DNAH9: variants seen among roughly 807,000 people sequenced by gnomAD.
The protein encoded by DNAH9 is dynein axonemal heavy chain 9.
In DNAH9, 345 loss-of-function variants were observed where a neutral mutation model predicts 471.6. The observed-to-expected ratio is 0.73, with a 90% CI of 0.67 to 0.80. DNAH9 has a LOEUF of 0.80. Among genes scored for constraint, DNAH9 ranks in the 30% least tolerant of loss-of-function variants. The pLI is 0.00. For synonymous variants in DNAH9, 2,093 were observed against 2,123.6 expected, an observed-to-expected ratio of 0.99 and a Z score of 0.40; for missense variants, 5,407 against 5,609.2, an observed-to-expected ratio of 0.96 and a Z score of 1.15.
At chr17:11,814,917 A>G (rs964879653) in intron 45 of DNAH9, among the ~76,000 whole-genome samples, 7 of 151,978 alleles carry the variant, frequency 4.6e-5, no homozygotes, top group Admixed American at 3.3e-4. Context: ...GGAGCCATCT[A>G]TGCTGTTAAA....
At chr17:11,609,749 A>T (rs2072590206) in intron 2 of DNAH9, among the ~76,000 whole-genome samples, 2 of 152,200 alleles carry the variant, frequency 1.3e-5, no homozygotes, top group South Asian at 4.1e-4. Context: ...TTTCTTTAAA[A>T]GTTGTATGAG....
intron 22 of DNAH9, among the ~76,000 whole-genome samples, chr17:11,694,860 C>CTTT (rs1366941130): frequency 2.3e-4 from 2 of 8,676 alleles, no homozygotes; most frequent in African/African-American, 6.2e-4. Flanking sequence ...TTCCTTCCTT[C>CTTT]CTTCCTTCCT....
At chr17:11,765,709 C>T (rs892885165) in intron 36 of DNAH9, among the ~76,000 whole-genome samples, 3 of 152,160 alleles carry the variant, frequency 2.0e-5, no homozygotes, top group Non-Finnish European at 4.4e-5. Context: ...TGGAGCTTCT[C>T]TGTGGACTAC....
chr17:11,849,014 T>G (rs549968690), intron 49 of DNAH9, among the ~76,000 whole-genome samples: 13 of 152,206 alleles, frequency 8.5e-5, no homozygotes, highest in African/African-American at 2.6e-4. Context: ...CTTTTTGTAT[T>G]TTTAGTAGAG....
chr17:11,679,694 A>T, intron 17 of DNAH9, 63 bp from the exon 18 acceptor site: 1 of 1,194,720 alleles, frequency 8.4e-7, no homozygotes, highest in South Asian at 1.2e-5. Context: ...GGGGAAATCA[A>T]TACATCTGCC....
intron 19 of DNAH9, among the ~76,000 whole-genome samples, chr17:11,685,149 C>T (rs1006870595): frequency 1.3e-5 from 2 of 152,144 alleles, no homozygotes; most frequent in African/African-American, 4.8e-5. Flanking sequence ...ACATTGGGCA[C>T]CAGCTTTAAC....
At chr17:11,814,123 T>G (rs1424465384) in intron 45 of DNAH9, among the ~76,000 whole-genome samples, 1 of 152,214 alleles carries the variant, frequency 6.6e-6, no homozygotes. Context: ...TCCTGAGGAA[T>G]GTGCACTGAT....
In DNAH9 at chr17:11,763,530, T is replaced by G; in HGVS notation, c.7086T>G (p.Pro2362=). The G allele has an allele frequency of 6.2e-7, 1 of 1,614,002 alleles. No individual in the cohort carries two copies. Among genetic ancestry groups the G allele is most frequent in the Non-Finnish European group, 8.5e-7 (1 of 1,179,846 alleles). The change falls in exon 36 of 69, where the codon CCT becomes CCG. Residue 2362 remains proline, a synonymous_variant. Coordinates refer to ENST00000262442, the MANE Select transcript of DNAH9 (RefSeq NM_001372.4). ...LECLLTTEDI[P]ADCPKEIYEH... is the part of the protein sequence containing the mutation. Reference sequence around the variant, plus strand: ...GTCTCCTGACCACGGAGGACATCCCTGCAGACTGCCCTAAGGAAATTTATG... The same window carrying G: ...GTCTCCTGACCACGGAGGACATCCCGGCAGACTGCCCTAAGGAAATTTATG...
chr17:11,962,208 G>A lies in DNAH9; in HGVS notation c.13185G>A (p.Gly4395=). The A allele has an allele frequency of 6.2e-7, 1 of 1,613,706 alleles. No individual in the cohort carries two copies. The highest frequency in any genetic ancestry group is 8.5e-7 in the Non-Finnish European group (1 of 1,179,914). ...AGTTTAGGAGTCCTCCTCGGGAAGGGGCCTACATCCATGGCCTCTTCATGG... is the reference window on the plus strand; with the variant it reads ...AGTTTAGGAGTCCTCCTCGGGAAGGAGCCTACATCCATGGCCTCTTCATGG... The part of the protein sequence containing the change: ...REEFRSPPRE[G]AYIHGLFMEG... Residue 4395 remains glycine (G), a synonymous_variant, in exon 68 of 69, where the codon GGG becomes GGA. Coordinates refer to ENST00000262442, the MANE Select transcript of DNAH9 (RefSeq NM_001372.4). The surrounding 1 kb of genome is among the most constrained non-coding windows in gnomAD (Gnocchi z 4.1).
intron 1 of DNAH9, among the ~76,000 whole-genome samples, chr17:11,604,765 G>A (rs186913743): frequency 2.0e-5 from 3 of 151,822 alleles, no homozygotes; most frequent in Non-Finnish European, 4.4e-5. Context: ...TTCAAAATTT[G>A]TATGGAATCA....
Position 11,923,901 on chromosome 17 carries a change from T to C in DNAH9, c.11837T>C (p.Leu3946Pro). The C allele has an allele frequency of 6.2e-7, 1 of 1,614,090 alleles. No homozygotes were observed. The highest frequency in any genetic ancestry group is 1.1e-5 in the South Asian group (1 of 91,076). The change falls in exon 62 of 69, where the codon CTG becomes CCG. Residue 3946 changes from leucine to proline, a missense_variant. Transcript: ENST00000262442. The stretch of plus-strand genomic sequence containing the variant: ...CAGGAAGTGGTGGCTGAGGCTGCGC[T>C]GGACCTCGCTGCCAAGAAAGGTCAC... ...QGQEVVAEAA[L>P]DLAAKKGHWV...
intron 18 of DNAH9, 109 bp from the exon 19 acceptor site, chr17:11,680,614 T>C (rs990596152): frequency 2.3e-6 from 2 of 885,502 alleles, no homozygotes; most frequent in Admixed American, 4.5e-5. Flanking sequence ...ACCACACCAT[T>C]GTACCATCTT....
chr17:11,747,837 T>G (rs1451276185), intron 32 of DNAH9, 71 bp downstream of exon 32: 1 of 1,337,796 alleles, frequency 7.5e-7, no homozygotes, highest in African/African-American at 1.4e-5. Flanking sequence ...TTGGATGCAG[T>G]TGGGTGAATT....
At position 11,807,917 on chromosome 17, in the gene DNAH9, G is replaced by A. The variant is rs771356522; in HGVS notation, c.8583+23G>A. 1.9e-6 allele frequency: 3 copies of A among 1,585,438 alleles called. No individual in the cohort carries two copies. The South Asian group carries it at 3.4e-5, about 18-fold the overall frequency. On this transcript the variant is annotated intron_variant, in intron 44 of 68. Coordinates refer to ENST00000262442, the MANE Select transcript of DNAH9 (RefSeq NM_001372.4). ...AAGGTAAAAGGTCAGGCAGCTGCAG[G>A]GAGGAGGCTCAGCTTCCCTCCAACC... is the stretch of plus-strand genomic sequence containing the variant.
At position 11,793,555 on chromosome 17, in the gene DNAH9, G is replaced by A; in HGVS notation, c.8114G>A (p.Arg2705Lys). Residue 2705 changes from arginine to lysine, a missense_variant, in exon 42 of 69, where the codon AGG becomes AAG. Around this residue, in one of 3 missense-constraint regions of DNAH9, gnomAD observed 4,636 missense variants for 4,900.3 expected, o/e 0.95. Transcript: ENST00000262442. The part of the protein sequence containing the change: ...ECVKSTWDLI[R>K]LYLHESNRVY... ...GTGAAATCCACATGGGATCTTATAA[G>A]GCTCTATCTGCATGAATCAAATCGA... The A allele has an allele frequency of 6.2e-7, 1 of 1,614,016 alleles. No homozygotes were observed. The highest frequency in any genetic ancestry group is 8.5e-7 in the Non-Finnish European group (1 of 1,179,948).
At chr17:11,655,516 A>G (rs1393114758) in intron 14 of DNAH9, among the ~76,000 whole-genome samples, 2 of 152,094 alleles carry the variant, frequency 1.3e-5, no homozygotes, top group Non-Finnish European at 2.9e-5. Flanking sequence ...AGGCCTAATT[A>G]CTAAGTTTTG....
At chr17:11,733,394 G>A (rs1367970900) in intron 28 of DNAH9, among the ~76,000 whole-genome samples, 3 of 152,202 alleles carry the variant, frequency 2.0e-5, no homozygotes, top group Admixed American at 6.5e-5. Flanking sequence ...GCCTGAGTGG[G>A]AGGATACAGG....
At chr17:11,935,662 C>T (rs1044467592) in intron 65 of DNAH9, among the ~76,000 whole-genome samples, 8 of 151,960 alleles carry the variant, frequency 5.3e-5, no homozygotes, top group African/African-American at 1.9e-4. Context: ...GCGTGAGCCA[C>T]CGCGCCCGGC....
intron 38 of DNAH9, among the ~76,000 whole-genome samples, chr17:11,770,817 A>G (rs1158870199): frequency 6.6e-6 from 1 of 152,136 alleles, no homozygotes; most frequent in Non-Finnish European, 1.5e-5. Context: ...TATTATTAAC[A>G]TTTTCCTTAT....
Sources: gnomAD v4.1 joint callset for allele counts (sites outside exome capture counted in the v4.1 genomes callset) on GRCh38, gnomAD v4.1.1 for gene constraint, gnomAD v4.1.1 regional missense constraint, Gnocchi (gnomAD v3.1) non-coding constraint, MANE v1.5 for transcripts, NCBI Gene and HGNC (gene_info 2026-07-23, HGNC 2026-07-21) for gene names.